FAM184B: variants seen among roughly 807,000 people sequenced by gnomAD.
The protein encoded by FAM184B is family with sequence similarity 184 member B, also known as protein FAM184B.
FAM184B carries 111 observed loss-of-function variants against 135.9 expected under a neutral mutation model. The observed-to-expected ratio is 0.82, with a 90% CI of 0.70 to 0.96. FAM184B has a LOEUF of 0.96. Among genes scored for constraint, FAM184B ranks in the 40% least tolerant of loss-of-function variants. FAM184B has a pLI of 0.00. For synonymous variants in FAM184B, 552 were observed against 524.8 expected (o/e 1.05, Z -0.71); for missense variants, 1,375 against 1,323.9 (o/e 1.04, Z -0.60).
At chr4:17,728,476 GAGTT>G (rs1208831978) in intron 1 of FAM184B, among the ~76,000 whole-genome samples, 1 of 152,158 alleles carries the variant, frequency 6.6e-6, no homozygotes, top group African/African-American at 2.4e-5. Flanking sequence ...TGACTGCTGT[GAGTT>G]AAAGTATGAA....
intron 1 of FAM184B, among the ~76,000 whole-genome samples, chr4:17,778,615 T>A (rs557419486): frequency 2.8e-4 from 42 of 152,214 alleles, no homozygotes; most frequent in Admixed American, 5.9e-4. Flanking sequence ...CTTTGGAAGG[T>A]TGAGGCGGGA....
At chr4:17,702,685 A>G (rs947160089) in intron 5 of FAM184B, among the ~76,000 whole-genome samples, 1 of 152,248 alleles carries the variant, frequency 6.6e-6, no homozygotes, top group African/African-American at 2.4e-5. Context: ...CAAAAAAACA[A>G]GTAAGTGCAA....
At chr4:17,711,592 G>C (rs1232687259) in intron 1 of FAM184B, among the ~76,000 whole-genome samples, 3 of 152,190 alleles carry the variant, frequency 2.0e-5, no homozygotes, top group Non-Finnish European at 2.9e-5. Context: ...GGGCCAGGGA[G>C]ATTGAGGCTA....
chr4:17,685,806 C>G (rs1225344695), intron 7 of FAM184B, among the ~76,000 whole-genome samples: 5 of 152,064 alleles, frequency 3.3e-5, no homozygotes, highest in Non-Finnish European at 5.9e-5. Context: ...CACACCCCGC[C>G]AAAACAAAGA....
At chr4:17,706,156 G>T (rs1345264723) in intron 3 of FAM184B, among the ~76,000 whole-genome samples, 2 of 152,084 alleles carry the variant, frequency 1.3e-5, no homozygotes, top group East Asian at 3.8e-4. Context: ...AGTTTCTATA[G>T]GTTAAAAAAG....
chr4:17,645,340 C>T (rs1428136859), intron 12 of FAM184B, among the ~76,000 whole-genome samples: 1 of 152,156 alleles, frequency 6.6e-6, no homozygotes, highest in African/African-American at 2.4e-5. Context: ...TACAAGGCCA[C>T]AGTAACCAAA....
intron 7 of FAM184B, among the ~76,000 whole-genome samples, chr4:17,665,678 C>T (rs188220139): frequency 1.4e-3 from 220 of 152,220 alleles, no homozygotes; most frequent in Non-Finnish European, 1.9e-3. Flanking sequence ...CCTTGGGCTC[C>T]CATCCACCCT....
At chr4:17,735,497 A>G (rs1248166920) in intron 1 of FAM184B, among the ~76,000 whole-genome samples, 1 of 152,152 alleles carries the variant, frequency 6.6e-6, no homozygotes, top group East Asian at 1.9e-4. Context: ...ATGAACCTAC[A>G]TGTAGCTTTT....
chr4:17,680,070 A>C (rs1025581270), intron 7 of FAM184B, among the ~76,000 whole-genome samples: 2 of 152,204 alleles, frequency 1.3e-5, no homozygotes, highest in African/African-American at 4.8e-5. Context: ...CACACTGGGT[A>C]CAGTGTACAC....
Position 17,658,499 on chromosome 4 carries a change from G to T in FAM184B, c.1888C>A (p.Leu630Ile). The stretch of plus-strand genomic sequence containing the variant: ...CTCTCCAGGTCCGAGAGCTGCTTGA[G>T]TGCCTGCAGGTCCTCCCTGTAGTTG... ...TSNYREDLQA[L>I]KQLSDLEREK... The change falls in exon 10 of 18, where the codon CTC (leucine) becomes ATC (isoleucine). Residue 630 changes from leucine (L) to isoleucine (I), a missense_variant. Leu to Ile is a conservative substitution (Grantham distance 5). Coordinates refer to ENST00000265018, the MANE Select transcript of FAM184B (RefSeq NM_015688.2). The T allele has an allele frequency of 6.4e-7, 1 of 1,551,590 alleles. No individual in the cohort carries two copies.
At chr4:17,672,431 C>T (rs1716199204) in intron 7 of FAM184B, among the ~76,000 whole-genome samples, 1 of 152,112 alleles carries the variant, frequency 6.6e-6, no homozygotes, top group South Asian at 2.1e-4. Flanking sequence ...AGTGGGCTTT[C>T]TTGTCTTGTT....
chr4:17,641,921 A>C, intron 13 of FAM184B, 135 bp downstream of exon 13: 2 of 1,277,712 alleles, frequency 1.6e-6, no homozygotes, highest in East Asian at 2.9e-5. Flanking sequence ...TTCAGTGTCT[A>C]GTGTCTTGTG....
intron 7 of FAM184B, among the ~76,000 whole-genome samples, chr4:17,677,654 C>G (rs185646884): frequency 2.8e-3 from 422 of 152,204 alleles, no homozygotes; most frequent in African/African-American, 9.6e-3. Context: ...AGAGGGAACC[C>G]TCCATAAATC....
chr4:17,773,425 T>G (rs16895685), intron 1 of FAM184B, among the ~76,000 whole-genome samples: 1 of 152,226 alleles, frequency 6.6e-6, no homozygotes, highest in Non-Finnish European at 1.5e-5. Context: ...CTCCTTATAC[T>G]TGAGCTTGGC....
chr4:17,669,867 A>G (rs1716131545), intron 7 of FAM184B, among the ~76,000 whole-genome samples: 1 of 152,234 alleles, frequency 6.6e-6, no homozygotes, highest in Non-Finnish European at 1.5e-5. Context: ...AAATAAACCA[A>G]TACCTACTAA....
chr4:17,647,617 G>GC lies in FAM184B; in HGVS notation c.2346+19dup, dbSNP rs1296749640. On this transcript the variant is annotated intron_variant, in intron 12 of 17. Transcript: ENST00000265018. ...CTGCTCTGGGAGGGGTATTGCTGGT[G>GC]CAAGGGCGGGGGCACTGACCTCTGT... 3.2e-6 allele frequency: 5 copies of GC among 1,542,838 alleles called. No homozygotes were observed. The highest frequency in any genetic ancestry group is 3.5e-6 in the Non-Finnish European group (4 of 1,141,458).
At position 17,778,621 on chromosome 4, in the gene FAM184B, C is replaced by T. The variant is rs546849819; in HGVS notation, c.141+2538G>A. 3.9e-5 allele frequency among the ~76,000 whole-genome samples: 6 copies of T among 152,190 alleles called. 1 individual carries two copies. Among genetic ancestry groups the T allele is most frequent in the East Asian group, 3.9e-4 (2 of 5,186 alleles). Reference sequence around the variant, plus strand: ...ATGCCTGAGCTTTGGAAGGTTGAGGCGGGAGGATTGCTTGAAGCCAGGAGT... The same window carrying T: ...ATGCCTGAGCTTTGGAAGGTTGAGGTGGGAGGATTGCTTGAAGCCAGGAGT... On this transcript the variant is annotated intron_variant, in intron 1 of 17. Coordinates refer to ENST00000265018, the MANE Select transcript of FAM184B (RefSeq NM_015688.2).
At chr4:17,717,221 G>A (rs1717415956) in intron 1 of FAM184B, among the ~76,000 whole-genome samples, 2 of 152,078 alleles carry the variant, frequency 1.3e-5, no homozygotes, top group Admixed American at 1.3e-4. Context: ...GATCAAATAG[G>A]GTAATATATC....
intron 7 of FAM184B, among the ~76,000 whole-genome samples, chr4:17,680,568 C>T (rs1206247602): frequency 2.0e-5 from 3 of 152,202 alleles, no homozygotes; most frequent in South Asian, 2.1e-4. Flanking sequence ...CCCTGAGCCA[C>T]TCCTGGTGTA....
Sources: gnomAD v4.1 joint callset for allele counts (sites outside exome capture counted in the v4.1 genomes callset) on GRCh38, gnomAD v4.1.1 for gene constraint, MANE v1.5 for transcripts, NCBI Gene and HGNC (gene_info 2026-07-23, HGNC 2026-07-21) for gene names.